SLC30A9: variants seen among roughly 807,000 people sequenced by gnomAD.
SLC30A9 encodes the protein proton-coupled zinc antiporter SLC30A9, mitochondrial.
In SLC30A9, 58 loss-of-function variants were observed where a neutral mutation model predicts 87.5. That is an observed-to-expected ratio of 0.66 (90% CI 0.54 to 0.82). SLC30A9 has a LOEUF of 0.82. Ranked by LOEUF, SLC30A9 falls within the 40% of genes least tolerant of loss-of-function variation. The probability of loss-of-function intolerance (pLI) is 0.00; values close to 1 mark genes in which losing one functional copy is unlikely to be tolerated. For synonymous variants in SLC30A9, 234 were observed against 233.0 expected (o/e 1.00, Z -0.04); for missense variants, 557 against 679.1 (o/e 0.82, Z 2.00).
intron 1 of SLC30A9, among the ~76,000 whole-genome samples, chr4:41,998,866 A>G (rs1714858880): frequency 6.6e-6 from 1 of 152,210 alleles, no homozygotes; most frequent in Non-Finnish European, 1.5e-5. Flanking sequence ...TTTTTATAAT[A>G]TACAATATTA....
At chr4:42,014,060 G>T (rs1271183585) in intron 2 of SLC30A9, among the ~76,000 whole-genome samples, 1 of 152,158 alleles carries the variant, frequency 6.6e-6, no homozygotes, top group Non-Finnish European at 1.5e-5. Context: ...TGATTAAAAT[G>T]TGGACAAAAT....
At chr4:42,010,981 C>G (rs921565353) in intron 2 of SLC30A9, among the ~76,000 whole-genome samples, 5 of 152,106 alleles carry the variant, frequency 3.3e-5, no homozygotes, top group Non-Finnish European at 4.4e-5. Flanking sequence ...TCCACCCACC[C>G]CCACAGAAGG....
At chr4:42,002,985 C>G (rs1291474442) in intron 2 of SLC30A9, among the ~76,000 whole-genome samples, 1 of 152,104 alleles carries the variant, frequency 6.6e-6, no homozygotes, top group East Asian at 1.9e-4. Flanking sequence ...ACCCTTCCTT[C>G]CTTTCTGAAG....
intron 9 of SLC30A9, among the ~76,000 whole-genome samples, chr4:42,050,257 C>T (rs921787500): frequency 2.6e-5 from 4 of 152,152 alleles, no homozygotes; most frequent in Admixed American, 6.5e-5. Context: ...AGAAGACAAG[C>T]GTTTGCCATT....
intron 2 of SLC30A9, among the ~76,000 whole-genome samples, chr4:42,006,106 G>A (rs940778118): frequency 1.3e-5 from 2 of 152,054 alleles, no homozygotes; most frequent in East Asian, 1.9e-4. Flanking sequence ...CATTGAATTC[G>A]GTATTATAAG....
chr4:42,011,889 A>G (rs974293952), intron 2 of SLC30A9, among the ~76,000 whole-genome samples: 7 of 152,226 alleles, frequency 4.6e-5, no homozygotes, highest in Non-Finnish European at 8.8e-5. Context: ...GTAAAAATGT[A>G]GTAGACTAAA....
chr4:42,047,118 A>C lies in SLC30A9; in HGVS notation c.738-2259A>C, dbSNP rs990471757. Among the ~76,000 whole-genome samples, 3 of 152,358 alleles carry C rather than the reference A, an allele frequency of 2.0e-5. No homozygotes were observed. The East Asian group carries it at 5.8e-4, about 29-fold the overall frequency. The stretch of plus-strand genomic sequence containing the variant: ...AGACTTAAACGTAAGACCTAAAACC[A>C]TAAAAACCCTAGAAGAAAACCTAGG... On this transcript the variant is annotated intron_variant, in intron 8 of 17. Transcript: ENST00000264451.
intron 9 of SLC30A9, among the ~76,000 whole-genome samples, chr4:42,056,925 G>A (rs760400574): frequency 1.3e-5 from 2 of 152,142 alleles, no homozygotes; most frequent in Non-Finnish European, 2.9e-5. Flanking sequence ...GGGGCTACAG[G>A]CCCCATGCAA....
intron 9 of SLC30A9, among the ~76,000 whole-genome samples, chr4:42,055,621 T>G (rs996956316): frequency 6.6e-6 from 1 of 152,200 alleles, no homozygotes; most frequent in Middle Eastern, 3.2e-3. Flanking sequence ...ACAGTTCATG[T>G]TGGAAAACTT....
At chr4:42,058,680 G>A (rs1265616337) in intron 9 of SLC30A9, among the ~76,000 whole-genome samples, 2 of 152,320 alleles carry the variant, frequency 1.3e-5, no homozygotes, top group South Asian at 2.1e-4. Context: ...TGAAAGGCAC[G>A]TCTCACATGG....
intron 2 of SLC30A9, 28 bp downstream of exon 2, chr4:42,001,808 T>C: frequency 6.6e-7 from 1 of 1,522,292 alleles, no homozygotes; most frequent in Non-Finnish European, 9.0e-7. Flanking sequence ...AATGTACTTT[T>C]TTCTGTATAC....
chr4:42,025,608 G>T (rs1034609956), intron 6 of SLC30A9, among the ~76,000 whole-genome samples: 1 of 152,176 alleles, frequency 6.6e-6, no homozygotes, highest in Admixed American at 6.5e-5. Flanking sequence ...GTTTGAAGGA[G>T]ACAGTGAATC....
intron 2 of SLC30A9, among the ~76,000 whole-genome samples, chr4:42,012,415 G>A (rs1196639359): frequency 6.6e-6 from 1 of 152,046 alleles, no homozygotes; most frequent in Non-Finnish European, 1.5e-5. Flanking sequence ...GGCAAAAATA[G>A]GAATGTTATC....
intron 2 of SLC30A9, among the ~76,000 whole-genome samples, chr4:42,015,502 A>G (rs887970696): frequency 1.8e-4 from 28 of 152,208 alleles, no homozygotes; most frequent in Non-Finnish European, 3.5e-4. Flanking sequence ...AAATGAACTC[A>G]TAATCTAAAT....
intron 9 of SLC30A9, among the ~76,000 whole-genome samples, chr4:42,050,694 T>G (rs1717349704): frequency 6.6e-6 from 1 of 152,198 alleles, no homozygotes; most frequent in Non-Finnish European, 1.5e-5. Flanking sequence ...GGGATTGAGT[T>G]TAATCTTTTG....
chr4:42,061,836 G>T (rs1224316591), intron 10 of SLC30A9, among the ~76,000 whole-genome samples: 1 of 151,854 alleles, frequency 6.6e-6, no homozygotes, highest in African/African-American at 2.4e-5. Context: ...GGAGGCGGAG[G>T]TTGTGGTGAG....
At chr4:42,082,585 C>T (rs776369179) in intron 17 of SLC30A9, among the ~76,000 whole-genome samples, 1 of 152,154 alleles carries the variant, frequency 6.6e-6, no homozygotes, top group Non-Finnish European at 1.5e-5. Context: ...CAGTGGCTCA[C>T]GCCTGTCATC....
chr4:42,033,830 C>T (rs954338675), intron 6 of SLC30A9, among the ~76,000 whole-genome samples: 8 of 152,172 alleles, frequency 5.3e-5, no homozygotes, highest in African/African-American at 1.9e-4. Context: ...CCGCCTTGGC[C>T]TCCCAAAGTG....
chr4:42,061,622 G>A (rs1333654947), intron 10 of SLC30A9, among the ~76,000 whole-genome samples: 1 of 152,260 alleles, frequency 6.6e-6, no homozygotes, highest in East Asian at 1.9e-4. Context: ...TGAAAGCCGG[G>A]TGCAGTGGCT....
Sources: gnomAD v4.1 joint callset for allele counts (sites outside exome capture counted in the v4.1 genomes callset) on GRCh38, gnomAD v4.1.1 for gene constraint, MANE v1.5 for transcripts, NCBI Gene and HGNC (gene_info 2026-07-23, HGNC 2026-07-21) for gene names.